STAB2: variants seen among roughly 807,000 people sequenced by gnomAD.
STAB2 encodes the protein stabilin 2, also known as stabilin-2.
In STAB2, 288 loss-of-function variants were observed where a neutral mutation model predicts 338.1. The ratio of observed to expected loss-of-function variants is 0.85; its 90% CI spans 0.77 to 0.94. The LOEUF (loss-of-function observed/expected upper bound fraction) is 0.94, where lower values mean the gene tolerates loss of function less well. Ranked by LOEUF, STAB2 falls within the 40% of genes least tolerant of loss-of-function variation. The probability of loss-of-function intolerance (pLI) is 0.00; values close to 1 mark genes in which losing one functional copy is unlikely to be tolerated. For missense variants in STAB2, 3,141 were observed against 3,210.1 expected, an observed-to-expected ratio of 0.98 and a Z score of 0.52; for synonymous variants, 1,202 against 1,193.3, an observed-to-expected ratio of 1.01 and a Z score of -0.15.
rs1874737912 is a variant in STAB2 at position 103,662,832 on chromosome 12, T to C, written c.1870-14T>C. 1 of 1,613,836 alleles carries C rather than the reference T, an allele frequency of 6.2e-7. No homozygotes were observed. On this transcript the variant is annotated splice_polypyrimidine_tract_variant and intron_variant, in intron 17 of 68. Transcript: ENST00000388887. Reference sequence around the variant, plus strand: ...GAATAGTACAGAATTAGAGATGTCATTTTTTCTTTCCAGGGACAGATTCTG... The same window carrying C: ...GAATAGTACAGAATTAGAGATGTCACTTTTTCTTTCCAGGGACAGATTCTG...
At chr12:103,729,033 A>C (rs757706381) in intron 48 of STAB2, 38 bp downstream of exon 48, 1 of 1,607,114 alleles carries the variant, frequency 6.2e-7, no homozygotes, top group Admixed American at 1.7e-5. Flanking sequence ...TCTCCCCTAG[A>C]TCATGTCCTT....
chr12:103,609,405 C>G (rs919593776), intron 3 of STAB2, among the ~76,000 whole-genome samples: 15 of 152,296 alleles, frequency 9.8e-5, no homozygotes, highest in African/African-American at 3.6e-4. Context: ...TCCTTCACAT[C>G]CCTTGTAAGT....
chr12:103,645,878 T>C (rs1873289855), intron 9 of STAB2, among the ~76,000 whole-genome samples: 1 of 138,066 alleles, frequency 7.2e-6, no homozygotes, highest in Non-Finnish European at 1.6e-5. Context: ...AAATGGCTTC[T>C]GGGCGGGGCT....
intron 39 of STAB2, among the ~76,000 whole-genome samples, chr12:103,710,757 T>G (rs1013164328): frequency 2.6e-5 from 4 of 152,228 alleles, no homozygotes; most frequent in South Asian, 2.1e-4. Context: ...TTTGCAGGCC[T>G]CTGTTTCAGG....
chr12:103,756,682 C>T (rs1407195549), intron 63 of STAB2, among the ~76,000 whole-genome samples: 1 of 152,092 alleles, frequency 6.6e-6, no homozygotes, highest in East Asian at 1.9e-4. Context: ...GCCACTGTTC[C>T]GAGTAGAATC....
At chr12:103,599,589 T>C (rs1956925457) in intron 3 of STAB2, among the ~76,000 whole-genome samples, 1 of 150,574 alleles carries the variant, frequency 6.6e-6, no homozygotes, top group Non-Finnish European at 1.5e-5. Flanking sequence ...GAATTTCAGA[T>C]AACTAACTAA....
chr12:103,655,719 G>C, intron 15 of STAB2, 138 bp downstream of exon 15: 1 of 1,024,922 alleles, frequency 9.8e-7, no homozygotes, highest in Non-Finnish European at 1.4e-6. Context: ...ACCAAGGCAG[G>C]CATCACTAAT....
At chr12:103,633,169 C>T in intron 6 of STAB2, among the ~76,000 whole-genome samples, 1 of 152,162 alleles carries the variant, frequency 6.6e-6, no homozygotes, top group Non-Finnish European at 1.5e-5. Context: ...GCAGTGGACT[C>T]CTGGGCAGAG....
At chr12:103,703,098 A>G (rs1303929594) in intron 34 of STAB2, 50 bp from the exon 35 acceptor site, 7 of 1,580,384 alleles carry the variant, frequency 4.4e-6, no homozygotes, top group African/African-American at 2.7e-5. Flanking sequence ...TATCTTTTCC[A>G]TATCTCTTTA....
At chr12:103,641,231 G>A (rs1018459550) in intron 9 of STAB2, among the ~76,000 whole-genome samples, 2 of 151,444 alleles carry the variant, frequency 1.3e-5, no homozygotes, top group Non-Finnish European at 2.9e-5. Flanking sequence ...GCCCCAACAG[G>A]TTGTATTATC....
At chr12:103,690,385 T>G in intron 29 of STAB2, 39 bp from the exon 30 acceptor site, 2 of 1,513,682 alleles carry the variant, frequency 1.3e-6, no homozygotes, top group Non-Finnish European at 1.8e-6. Flanking sequence ...GCCCCATACA[T>G]TTATATTGAA....
chr12:103,731,557 A>G lies in STAB2; in HGVS notation c.5224-19A>G, dbSNP rs776793105. 1.2e-6 allele frequency: 2 copies of G among 1,612,046 alleles called. No homozygotes were observed. Among genetic ancestry groups the G allele is most frequent in the African/African-American group, 2.7e-5 (2 of 74,906 alleles). On this transcript the variant is annotated intron_variant, in intron 49 of 68. Coordinates refer to ENST00000388887, the MANE Select transcript of STAB2 (RefSeq NM_017564.10). ...CTGTATAAGGAAAAGTTTCATGCCCATTCTTATTATCTTTGCAGCAAAATC... is the reference window on the plus strand; with the variant it reads ...CTGTATAAGGAAAAGTTTCATGCCCGTTCTTATTATCTTTGCAGCAAAATC...
chr12:103,745,294 G>T lies in STAB2; in HGVS notation c.6136+17G>T, dbSNP rs1032576528. 3.1e-6 allele frequency: 5 copies of T among 1,609,156 alleles called. No individual in the cohort carries two copies. The African/African-American group carries it at 6.7e-5, about 21-fold the overall frequency. On this transcript the variant is annotated intron_variant, in intron 57 of 68. Coordinates refer to ENST00000388887, the MANE Select transcript of STAB2 (RefSeq NM_017564.10). ...CTCAGGCAGGTCAGTCATGGGAGTG[G>T]TCAGCTGCTGGCAGCCCAGGGCTGC...
intron 7 of STAB2, among the ~76,000 whole-genome samples, chr12:103,637,505 A>G (rs751309349): frequency 4.6e-5 from 7 of 152,006 alleles, no homozygotes; most frequent in Non-Finnish European, 1.0e-4. Flanking sequence ...TATCTTTTTG[A>G]TTTTATTCAC....
At chr12:103,759,108 T>C (rs998602548) in intron 64 of STAB2, 25 bp from the exon 65 acceptor site, 8 of 1,613,944 alleles carry the variant, frequency 5.0e-6, no homozygotes, top group Admixed American at 1.7e-5. Context: ...TTGAAGAGCA[T>C]TCTGTGTTTC....
At chr12:103,718,460 G>C (rs1880506746) in intron 44 of STAB2, among the ~76,000 whole-genome samples, 1 of 152,034 alleles carries the variant, frequency 6.6e-6, no homozygotes, top group African/African-American at 2.4e-5. Flanking sequence ...TAGAAGCACT[G>C]TGTCTCCTAT....
At position 103,662,831 on chromosome 12, in the gene STAB2, A is replaced by AT. The variant is rs761981188; in HGVS notation, c.1870-9dup. Reference sequence around the variant, plus strand: ...AGAATAGTACAGAATTAGAGATGTCATTTTTTCTTTCCAGGGACAGATTCT... The same window carrying AT: ...AGAATAGTACAGAATTAGAGATGTCATTTTTTTCTTTCCAGGGACAGATTCT... On this transcript the variant is annotated splice_polypyrimidine_tract_variant and intron_variant, in intron 17 of 68. Coordinates refer to ENST00000388887, the MANE Select transcript of STAB2 (RefSeq NM_017564.10). 9.3e-6 allele frequency: 15 copies of AT among 1,613,502 alleles called. No individual in the cohort carries two copies. The Admixed American group carries it at 1.5e-4, about 16-fold the overall frequency.
intron 3 of STAB2, among the ~76,000 whole-genome samples, chr12:103,604,871 G>C (rs976561303): frequency 8.6e-5 from 13 of 150,578 alleles, no homozygotes; most frequent in Non-Finnish European, 1.6e-4. Context: ...CCTATCTTCT[G>C]CTTGCTTGGG....
intron 3 of STAB2, among the ~76,000 whole-genome samples, chr12:103,610,744 T>C (rs1182339545): frequency 6.6e-6 from 1 of 152,254 alleles, no homozygotes; most frequent in African/African-American, 2.4e-5. Flanking sequence ...TGAATGTGTT[T>C]GCTCTTGCTT....
Sources: gnomAD v4.1 joint callset for allele counts (sites outside exome capture counted in the v4.1 genomes callset) on GRCh38, gnomAD v4.1.1 for gene constraint, MANE v1.5 for transcripts, NCBI Gene and HGNC (gene_info 2026-07-23, HGNC 2026-07-21) for gene names.